MAP3K15: variants seen among roughly 807,000 people sequenced by gnomAD.
MAP3K15 encodes the protein MAPK/ERK kinase kinase 15.
A neutral mutation model predicts 99.5 loss-of-function variants in MAP3K15; 124 were observed. The ratio of observed to expected loss-of-function variants is 1.25; its 90% confidence interval spans 1.08 to 1.45. The LOEUF (loss-of-function observed/expected upper bound fraction) is 1.45, where lower values mean the gene tolerates loss of function less well. Among genes scored for constraint, MAP3K15 ranks in the 40% most tolerant of loss-of-function variants. The pLI, the probability that MAP3K15 is intolerant of heterozygous loss-of-function variation, is 0.00. For missense variants in MAP3K15, 1,242 were observed against 1,079.7 expected (o/e 1.15, Z -2.11); for synonymous variants, 494 against 439.6 (o/e 1.12, Z -1.55).
intron 10 of MAP3K15, 53 bp from the exon 11 acceptor site, chrX:19,413,517 C>A: frequency 2.1e-6 from 2 of 955,441 alleles, no homozygotes; most frequent in Non-Finnish European, 1.5e-6. Context: ...ACATAGCGCA[C>A]CCTGCCCAGC....
At chrX:19,400,808 T>C in intron 13 of MAP3K15, 145 bp from the exon 14 acceptor site, 1 of 425,179 alleles carries the variant, frequency 2.4e-6, no homozygotes, top group Non-Finnish European at 4.1e-6. Flanking sequence ...TGATTTGACG[T>C]GGTACTTTAG....
At chrX:19,376,296 G>A (rs1031851887) in intron 19 of MAP3K15, among the ~76,000 whole-genome samples, 1 of 110,788 alleles carries the variant, frequency 9.0e-6, no homozygotes, top group Non-Finnish European at 1.9e-5. Context: ...GGGAATCCCC[G>A]CCTTTGCCTC....
chrX:19,505,833 G>A (rs1408371519), intron 1 of MAP3K15, among the ~76,000 whole-genome samples: 1 of 105,878 alleles, frequency 9.4e-6, no homozygotes, highest in Non-Finnish European at 1.9e-5. Context: ...TGCAATCTCT[G>A]CCTCCTGGGT....
chrX:19,404,830 T>C (rs962923720), intron 13 of MAP3K15, among the ~76,000 whole-genome samples: 1 of 111,648 alleles, frequency 9.0e-6, no homozygotes, highest in Non-Finnish European at 1.9e-5. Flanking sequence ...AGAATAAAGT[T>C]GGAACCCCTA....
intron 2 of MAP3K15, among the ~76,000 whole-genome samples, chrX:19,487,419 T>C (rs1452263438): frequency 8.9e-6 from 1 of 111,921 alleles, no homozygotes; most frequent in Non-Finnish European, 1.9e-5. Flanking sequence ...AAATATAGGT[T>C]AATAATCTAT....
rs1228927548 is a variant in MAP3K15 at position 19,431,440 on chromosome X, C to G, written c.1164G>C (p.Glu388Asp). The change falls in exon 7 of 29, where the codon GAG becomes GAC. Residue 388 changes from glutamate to aspartate, a missense_variant and splice_region_variant. By Grantham distance (45) the Glu-to-Asp change is conservative. Coordinates refer to ENST00000338883, the MANE Select transcript of MAP3K15 (RefSeq NM_001001671.4). ...CATAACTCGGGCTGAGGGTTTACCA[C>G]TCAATGGCGCTGTCGCGGCTGGTGT... ...KDDTSRDSAI[E>D]WYRKGFELQS... is the part of the protein sequence containing the mutation. The G allele has an allele frequency of 1.7e-6, 2 of 1,199,323 alleles. No homozygotes were observed. Among genetic ancestry groups the G allele is most frequent in the Non-Finnish European group, 2.2e-6 (2 of 894,664 alleles).
At position 19,402,465 on chromosome X, in the gene MAP3K15, C is replaced by T. The variant is rs373381349; in HGVS notation, c.1845-1802G>A. 8.1e-5 allele frequency among the ~76,000 whole-genome samples: 9 copies of T among 110,453 alleles called. No homozygotes were observed. The East Asian group carries it at 2.6e-3, about 31-fold the overall frequency. Reference sequence around the variant, plus strand: ...CTACCCTATAATCCAGTAATCCACTCCTAGATATATACTCAATAGAAATCA... The same window carrying T: ...CTACCCTATAATCCAGTAATCCACTTCTAGATATATACTCAATAGAAATCA... On this transcript the variant is annotated intron_variant, in intron 13 of 28. Coordinates refer to ENST00000338883, the MANE Select transcript of MAP3K15 (RefSeq NM_001001671.4).
At chrX:19,437,963 G>A (rs1483824249) in intron 6 of MAP3K15, among the ~76,000 whole-genome samples, 1 of 112,194 alleles carries the variant, frequency 8.9e-6, no homozygotes, top group South Asian at 3.7e-4. Flanking sequence ...ATAGAAAATT[G>A]TCTCCAAGGA....
rs369590107 is a variant in MAP3K15, at chrX:19,431,424, G to A, written c.1166+14C>T. 218 of 1,194,499 alleles carry A rather than the reference G, an allele frequency of 1.8e-4. No individual in the cohort carries two copies. Among genetic ancestry groups the A allele is most frequent in the Middle Eastern group, 2.3e-4 (1 of 4,269 alleles). On this transcript the variant is annotated intron_variant, in intron 7 of 28. Coordinates refer to ENST00000338883, the MANE Select transcript of MAP3K15 (RefSeq NM_001001671.4). ...AAGAGATGCAAGTGCTCATAACTCG[G>A]GCTGAGGGTTTACCACTCAATGGCG...
At chrX:19,395,306 T>C (rs2063560955) in intron 15 of MAP3K15, 98 bp from the exon 16 acceptor site, 3 of 873,565 alleles carry the variant, frequency 3.4e-6, no homozygotes, top group Non-Finnish European at 4.8e-6. Context: ...TGCCCATCCC[T>C]TCTTTCTGGA....
At chrX:19,377,294 C>CT (rs2063425313) in intron 19 of MAP3K15, among the ~76,000 whole-genome samples, 1 of 112,506 alleles carries the variant, frequency 8.9e-6, no homozygotes, top group Admixed American at 9.4e-5. Context: ...TGGCTCTCGC[C>CT]TGTTATCCCA....
Position 19,464,124 on chromosome X carries a change from C to T in MAP3K15, c.719+89G>A, listed in dbSNP as rs1051921303. ...GACAATAGTGGGTTCTCCAGCAACTCTGTTCATTTGAAGGTGTACCGCTTC... is the reference window on the plus strand; with the variant it reads ...GACAATAGTGGGTTCTCCAGCAACTTTGTTCATTTGAAGGTGTACCGCTTC... On this transcript the variant is annotated intron_variant, in intron 4 of 28. Transcript: ENST00000338883. 38 of 806,217 alleles carry T rather than the reference C, an allele frequency of 4.7e-5. No individual in the cohort carries two copies. In the East Asian group the frequency reaches 1.2e-3, roughly 24 times the overall value. The allele number at this position is 806,217 out of a possible 1,213,427, so 66.4% of individuals were successfully genotyped here. A position where few individuals can be genotyped will look rare whatever the true frequency, so the allele number is the denominator to read the frequency against.
chrX:19,365,692 A>T (rs934125906), intron 25 of MAP3K15, among the ~76,000 whole-genome samples: 3 of 111,664 alleles, frequency 2.7e-5, no homozygotes, highest in African/African-American at 9.8e-5. Flanking sequence ...ACTTGGGAAT[A>T]CAGAACTAAG....
chrX:19,425,303 A>G (rs1433239127), intron 9 of MAP3K15, among the ~76,000 whole-genome samples: 1 of 111,936 alleles, frequency 8.9e-6, no homozygotes, highest in Non-Finnish European at 1.9e-5. Context: ...AGAAATTAAT[A>G]GAATAGAAGG....
chrX:19,493,093 C>T (rs1569242609), intron 1 of MAP3K15, among the ~76,000 whole-genome samples: 1 of 110,667 alleles, frequency 9.0e-6, no homozygotes, highest in Non-Finnish European at 1.9e-5. Context: ...CAAATAGAAA[C>T]AGACAAAGGG....
intron 6 of MAP3K15, among the ~76,000 whole-genome samples, chrX:19,438,438 C>T (rs775485320): frequency 6.9e-4 from 77 of 111,945 alleles, no homozygotes; most frequent in African/African-American, 2.4e-3. Context: ...AATAAAAACA[C>T]AACACTGGAT....
rs371589741 is a variant in MAP3K15, at chrX:19,431,428, G to A, written c.1166+10C>T. 29 of 1,196,362 alleles carry A rather than the reference G, an allele frequency of 2.4e-5. No individual in the cohort carries two copies. The highest frequency in any genetic ancestry group is 3.2e-5 in the Non-Finnish European group (29 of 893,319). On this transcript the variant is annotated intron_variant, in intron 7 of 28. Transcript: ENST00000338883. The stretch of plus-strand genomic sequence containing the variant: ...GATGCAAGTGCTCATAACTCGGGCT[G>A]AGGGTTTACCACTCAATGGCGCTGT...
intron 3 of MAP3K15, among the ~76,000 whole-genome samples, chrX:19,471,040 C>G (rs1384266379): frequency 9.0e-6 from 1 of 111,093 alleles, no homozygotes; most frequent in East Asian, 2.8e-4. Flanking sequence ...GCTCAACAGG[C>G]AATTTGAGTG....
At chrX:19,438,311 T>C (rs2063936545) in intron 6 of MAP3K15, among the ~76,000 whole-genome samples, 1 of 111,499 alleles carries the variant, frequency 9.0e-6, no homozygotes, top group South Asian at 3.8e-4. Flanking sequence ...TCTCACTATG[T>C]GGCCCAGGCT....
Sources: allele counts gnomAD v4.1 joint callset (sites outside exome capture counted in the v4.1 genomes callset), GRCh38; gene constraint gnomAD v4.1.1; transcripts MANE v1.5; gene names NCBI Gene and HGNC (gene_info 2026-07-23, HGNC 2026-07-21).